TTLL5: variants seen among roughly 807,000 people sequenced by gnomAD.
TTLL5 encodes tubulin polyglutamylase TTLL5.
TTLL5 carries 132 observed loss-of-function variants against 168.4 expected under a neutral mutation model. That is an observed-to-expected ratio of 0.78 (90% CI 0.68 to 0.91). The LOEUF (loss-of-function observed/expected upper bound fraction) is 0.91. TTLL5 is among the 40% of genes least tolerant of loss of function. The pLI, the probability that TTLL5 is intolerant of heterozygous loss-of-function variation, is 0.00. For missense variants in TTLL5, 1,545 were observed against 1,581.5 expected, an observed-to-expected ratio of 0.98 and a Z score of 0.39; for synonymous variants, 546 against 558.6, an observed-to-expected ratio of 0.98 and a Z score of 0.32.
intron 31 of TTLL5, chr14:75,941,474 T>A (rs1475525459): frequency 6.6e-6 from 1 of 152,222 alleles, no homozygotes; most frequent in Non-Finnish European, 1.5e-5. Flanking sequence ...TGGAAAGGCC[T>A]TAGGGACAAA....
intron 15 of TTLL5, among the ~76,000 whole-genome samples, chr14:75,744,219 T>C (rs1314992988): frequency 6.6e-6 from 1 of 152,226 alleles, no homozygotes; most frequent in Non-Finnish European, 1.5e-5. Context: ...GTGAATTCTT[T>C]CTTACTTTTT....
chr14:75,698,079 G>A (rs1170751473), intron 6 of TTLL5, among the ~76,000 whole-genome samples: 2 of 152,170 alleles, frequency 1.3e-5, no homozygotes, highest in African/African-American at 4.8e-5. Context: ...GCTGCCACCT[G>A]ACGTATTTCA....
At chr14:75,850,496 C>A (rs1595148016) in intron 28 of TTLL5, among the ~76,000 whole-genome samples, 1 of 151,408 alleles carries the variant, frequency 6.6e-6, no homozygotes, top group East Asian at 1.9e-4. Flanking sequence ...TTCTGGGACT[C>A]TGTCATTGAC....
At chr14:75,918,245 T>C (rs1214436746) in intron 31 of TTLL5, among the ~76,000 whole-genome samples, 4 of 152,098 alleles carry the variant, frequency 2.6e-5, no homozygotes, top group African/African-American at 9.7e-5. Flanking sequence ...GCAACAGAGG[T>C]GTCTAGAGAG....
chr14:75,920,817 T>C (rs1000795294), intron 31 of TTLL5, among the ~76,000 whole-genome samples: 9 of 152,256 alleles, frequency 5.9e-5, no homozygotes, highest in Non-Finnish European at 1.2e-4. Context: ...CCTTGAATGG[T>C]TGAACTAATT....
intron 29 of TTLL5, among the ~76,000 whole-genome samples, chr14:75,871,550 G>A (rs74787556): frequency 8.7e-5 from 13 of 148,706 alleles, no homozygotes; most frequent in East Asian, 5.9e-4. Flanking sequence ...ATATACTCTC[G>A]TATACACAAA....
intron 31 of TTLL5, among the ~76,000 whole-genome samples, chr14:75,923,935 G>T (rs1016498844): frequency 1.3e-5 from 2 of 152,088 alleles, no homozygotes; most frequent in Non-Finnish European, 1.5e-5. Context: ...TCTTCTTGTT[G>T]AATTGATCCC....
At chr14:75,880,607 T>G (rs956029873) in intron 29 of TTLL5, among the ~76,000 whole-genome samples, 1 of 152,184 alleles carries the variant, frequency 6.6e-6, no homozygotes, top group African/African-American at 2.4e-5. Flanking sequence ...TAGGATGTAG[T>G]GGTGAAAATA....
rs762967918 is a variant in TTLL5, at chr14:75,733,922, T to A, written c.1125-67T>A. The A allele has an allele frequency of 2.4e-4, 347 of 1,466,288 alleles. 4 individuals carry two copies. In the South Asian group the frequency reaches 3.7e-3, roughly 16 times the overall value. 90.8% of individuals were successfully genotyped at this position (1,466,288 alleles called of 1,614,324 possible). On this transcript the variant is annotated intron_variant, in intron 13 of 31. Coordinates refer to ENST00000298832, the MANE Select transcript of TTLL5 (RefSeq NM_015072.5). ...GGAAACTTTGCTATATTGGGACCCA[T>A]CAGAGGGCGGCTATTCTGTTAACCT...
intron 31 of TTLL5, among the ~76,000 whole-genome samples, chr14:75,936,803 A>G (rs1376988318): frequency 1.3e-5 from 2 of 152,200 alleles, no homozygotes; most frequent in African/African-American, 2.4e-5. Context: ...TGGCAGTAAT[A>G]GCTTGGTTGG....
chr14:75,787,942 T>C (rs958446915), intron 26 of TTLL5, among the ~76,000 whole-genome samples: 3 of 152,172 alleles, frequency 2.0e-5, no homozygotes, highest in African/African-American at 7.2e-5. Flanking sequence ...ATGAAAAAGC[T>C]GTATGTCCAA....
In TTLL5 at chr14:75,752,918, A is replaced by T. The variant is rs781316021; in HGVS notation, c.1513A>T (p.Met505Leu). 1.2e-6 allele frequency: 2 copies of T among 1,613,632 alleles called. No individual in the cohort carries two copies. The highest frequency in any genetic ancestry group is 4.5e-5 in the East Asian group (2 of 44,838). ...GTCCTACCTCGAGCATAAGACCTCAATGAACTATATGCTGGCAACACGCCT... is the reference window on the plus strand; with the variant it reads ...GTCCTACCTCGAGCATAAGACCTCATTGAACTATATGCTGGCAACACGCCT... ...YGSYLEHKTS[M>L]NYMLATRLFQ... is the part of the protein sequence containing the mutation. The change falls in exon 18 of 32, where the codon ATG (methionine) becomes TTG (leucine). Residue 505 changes from methionine (M) to leucine (L), a missense_variant. Coordinates refer to ENST00000298832, the MANE Select transcript of TTLL5 (RefSeq NM_015072.5).
intron 22 of TTLL5, among the ~76,000 whole-genome samples, chr14:75,776,408 CTG>C (rs1354297914): frequency 6.6e-6 from 1 of 152,262 alleles, no homozygotes; most frequent in African/African-American, 2.4e-5. Context: ...TACTGTGTCT[CTG>C]TTGTCATATT....
At chr14:75,775,716 G>A (rs999437133) in intron 22 of TTLL5, 86 bp downstream of exon 22, 1 of 1,487,434 alleles carries the variant, frequency 6.7e-7, no homozygotes, top group Non-Finnish European at 9.1e-7. Flanking sequence ...CCAACTGGAT[G>A]GAGACACTCT....
At chr14:75,729,451 GTT>G (rs931093525) in intron 12 of TTLL5, among the ~76,000 whole-genome samples, 1 of 149,194 alleles carries the variant, frequency 6.7e-6, no homozygotes, top group Non-Finnish European at 1.5e-5. Context: ...CCAATAGTAA[GTT>G]TAAAAGGTTC....
In TTLL5 at chr14:75,820,143, C is replaced by T; in HGVS notation, c.3308C>T (p.Ser1103Phe). The part of the protein sequence containing the change: ...QSDPQAPENH[S>F]SSPGSRSLQT... The stretch of plus-strand genomic sequence containing the variant: ...GACCCCCAAGCTCCCGAGAATCACT[C>T]CAGCTCTCCTGGAAGCAGGTATGTG... The change falls in exon 28 of 32, where the codon TCC becomes TTC. Residue 1103 changes from serine to phenylalanine, a missense_variant. Transcript: ENST00000298832. 2 of 1,594,120 alleles carry T rather than the reference C, an allele frequency of 1.3e-6. No homozygotes were observed. Among genetic ancestry groups the T allele is most frequent in the East Asian group, 2.3e-5 (1 of 42,920 alleles).
intron 1 of TTLL5, among the ~76,000 whole-genome samples, chr14:75,661,869 T>G (rs930560624): frequency 6.9e-6 from 1 of 144,284 alleles, no homozygotes; most frequent in Non-Finnish European, 1.6e-5. Context: ...TCGGGGTCTG[T>G]TTTTTTTTTG....
intron 28 of TTLL5, among the ~76,000 whole-genome samples, chr14:75,862,621 GA>G (rs780839585): frequency 5.9e-5 from 9 of 152,258 alleles, no homozygotes; most frequent in Non-Finnish European, 1.2e-4. Flanking sequence ...CTTCTGCTAG[GA>G]AGTACACAGA....
At chr14:75,783,900 G>T (rs1226306923) in intron 26 of TTLL5, among the ~76,000 whole-genome samples, 2 of 152,070 alleles carry the variant, frequency 1.3e-5, no homozygotes, top group Admixed American at 6.5e-5. Context: ...TTAGTTTTTA[G>T]GCAAGAATGA....
Sources: allele counts gnomAD v4.1 joint callset (sites outside exome capture counted in the v4.1 genomes callset), GRCh38; gene constraint gnomAD v4.1.1; transcripts MANE v1.5; gene names NCBI Gene and HGNC (gene_info 2026-07-23, HGNC 2026-07-21).